FAM168A: variants seen among roughly 807,000 people sequenced by gnomAD.
The protein encoded by FAM168A is family with sequence similarity 168 member A.
Under a neutral mutation model 28.5 loss-of-function variants are expected in FAM168A, and 3 were observed. That is an observed-to-expected ratio of 0.11 (90% CI 0.05 to 0.27). The LOEUF (loss-of-function observed/expected upper bound fraction) is 0.27. Ranked by LOEUF, FAM168A falls within the 10% of genes least tolerant of loss-of-function variation. The pLI is 1.00. For synonymous variants in FAM168A, 122 were observed against 124.2 expected, an observed-to-expected ratio of 0.98 and a Z score of 0.12; for missense variants, 222 against 311.5, an observed-to-expected ratio of 0.71 and a Z score of 2.16.
At chr11:73,516,349 C>T (rs1943304081) in intron 1 of FAM168A, among the ~76,000 whole-genome samples, 1 of 152,130 alleles carries the variant, frequency 6.6e-6, no homozygotes, top group Non-Finnish European at 1.5e-5. Flanking sequence ...AAACCACTTA[C>T]TTTACTGGAT....
chr11:73,441,665 A>C (rs995903094), intron 2 of FAM168A, among the ~76,000 whole-genome samples: 47 of 152,186 alleles, frequency 3.1e-4, no homozygotes, highest in Admixed American at 2.4e-3. Flanking sequence ...TTCTTTGCGG[A>C]AAGTTTTTTG....
chr11:73,436,744 T>A (rs1434632794), intron 2 of FAM168A, among the ~76,000 whole-genome samples: 1 of 152,222 alleles, frequency 6.6e-6, no homozygotes, highest in Non-Finnish European at 1.5e-5. Flanking sequence ...CAGAACCCAT[T>A]CCTACCAACC....
intron 1 of FAM168A, among the ~76,000 whole-genome samples, chr11:73,553,830 T>C (rs1408435055): frequency 6.6e-6 from 1 of 150,928 alleles, no homozygotes; most frequent in Non-Finnish European, 1.5e-5. Flanking sequence ...AAAAATAAAA[T>C]TAAAAAAAAT....
At chr11:73,487,443 A>C (rs1348935367) in intron 1 of FAM168A, among the ~76,000 whole-genome samples, 1 of 152,108 alleles carries the variant, frequency 6.6e-6, no homozygotes, top group Non-Finnish European at 1.5e-5. Flanking sequence ...ATCTCACATC[A>C]TCAGATTCAA....
intron 1 of FAM168A, among the ~76,000 whole-genome samples, chr11:73,549,622 C>T (rs1199321495): frequency 1.3e-5 from 2 of 152,160 alleles, no homozygotes; most frequent in Non-Finnish European, 2.9e-5. Context: ...ATTTCTGTAT[C>T]CCAGCACCAA....
chr11:73,435,687 C>A (rs1481923411), intron 2 of FAM168A, among the ~76,000 whole-genome samples: 2 of 152,142 alleles, frequency 1.3e-5, no homozygotes, highest in African/African-American at 4.8e-5. Context: ...GTGGCTCACA[C>A]CTGTAATCTC....
intron 1 of FAM168A, among the ~76,000 whole-genome samples, chr11:73,556,800 C>T (rs796528026): frequency 2.0e-5 from 3 of 152,014 alleles, no homozygotes; most frequent in African/African-American, 7.2e-5. Context: ...GCAGGAGGAT[C>T]GCACAAGGCT....
chr11:73,576,316 C>T (rs754997560), intron 1 of FAM168A, among the ~76,000 whole-genome samples: 1 of 152,130 alleles, frequency 6.6e-6, no homozygotes, highest in Non-Finnish European at 1.5e-5. Context: ...AGAATGTTAG[C>T]GAAATTATTC....
intron 3 of FAM168A, among the ~76,000 whole-genome samples, chr11:73,429,012 A>G (rs1413797300): frequency 1.3e-5 from 2 of 152,218 alleles, no homozygotes; most frequent in Non-Finnish European, 2.9e-5. Context: ...TGTCCAAAAA[A>G]CAGGGGCTGT....
chr11:73,544,053 GC>G (rs1455455808), intron 1 of FAM168A, among the ~76,000 whole-genome samples: 2 of 152,066 alleles, frequency 1.3e-5, no homozygotes, highest in African/African-American at 4.8e-5. Flanking sequence ...GATCACTTGA[GC>G]CCAGGAGTTT....
intron 1 of FAM168A, among the ~76,000 whole-genome samples, chr11:73,579,328 A>G (rs1020328262): frequency 6.6e-6 from 1 of 152,236 alleles, no homozygotes; most frequent in African/African-American, 2.4e-5. Flanking sequence ...AAATACCATT[A>G]TGTCTCCATC....
chr11:73,505,086 A>G (rs1366526483), intron 1 of FAM168A, among the ~76,000 whole-genome samples: 1 of 152,072 alleles, frequency 6.6e-6, no homozygotes, highest in Non-Finnish European at 1.5e-5. Context: ...TACCTATGTA[A>G]CAAACCTGCA....
chr11:73,580,501 A>G, intron 1 of FAM168A: 2 of 613,464 alleles, frequency 3.3e-6, no homozygotes, highest in Non-Finnish European at 3.1e-6. Context: ...AGAAAGCTGA[A>G]GGTGCTGGAG....
At position 73,411,550 on chromosome 11, in the gene FAM168A, A is replaced by G. The variant is rs767324110; in HGVS notation, c.278-14T>C. The G allele has an allele frequency of 1.9e-6, 3 of 1,613,886 alleles. No homozygotes were observed. Among genetic ancestry groups the G allele is most frequent in the African/African-American group, 1.3e-5 (1 of 74,874 alleles). ...CCGCAGTATATCCTGTACCAAGGCA[A>G]TAAGAGAGACTTCCAGTTAGTTGGC... On this transcript the variant is annotated splice_polypyrimidine_tract_variant and intron_variant, in intron 4 of 7. Transcript: ENST00000356467.
At chr11:73,433,542 T>C (rs534500812) in intron 2 of FAM168A, among the ~76,000 whole-genome samples, 1 of 152,312 alleles carries the variant, frequency 6.6e-6, no homozygotes, top group East Asian at 1.9e-4. Context: ...CTGATCCATT[T>C]TGAGTTAATT....
At chr11:73,426,703 C>CTGTGTGTGTGTGTGTGTGTGTGTG (rs34499254) in intron 3 of FAM168A, among the ~76,000 whole-genome samples, 39 of 144,300 alleles carry the variant, frequency 2.7e-4, no homozygotes, top group African/African-American at 7.9e-4. Context: ...CCAAAATATG[C>CTGTGTGTGTGTGTGTGTGTGTGTG]TGTGTGTGTG....
intron 1 of FAM168A, among the ~76,000 whole-genome samples, chr11:73,571,702 G>C (rs1374985899): frequency 6.6e-6 from 1 of 150,680 alleles, no homozygotes. Context: ...CTGCCTGGCC[G>C]CCCATCGTCT....
chr11:73,514,552 G>A (rs1392432598), intron 1 of FAM168A, among the ~76,000 whole-genome samples: 1 of 152,176 alleles, frequency 6.6e-6, no homozygotes, highest in Non-Finnish European at 1.5e-5. Context: ...TAACCTCCCT[G>A]TGAGGTGCAG....
chr11:73,590,455 G>A (rs1050757135), intron 1 of FAM168A, among the ~76,000 whole-genome samples: 6 of 152,072 alleles, frequency 3.9e-5, no homozygotes, highest in African/African-American at 1.4e-4. Flanking sequence ...CAATAAGCAA[G>A]AACACACTAC....
Sources: allele counts gnomAD v4.1 joint callset (sites outside exome capture counted in the v4.1 genomes callset), GRCh38; gene constraint gnomAD v4.1.1; transcripts MANE v1.5; gene names NCBI Gene and HGNC (gene_info 2026-07-23, HGNC 2026-07-21).